The following GPC5 variants were observed in gnomAD, a reference collection of about 807,000 sequenced individuals.
GPC5 encodes the protein glypican-5.
A neutral mutation model predicts 53.9 loss-of-function variants in GPC5; 47 were observed. That is an observed-to-expected ratio of 0.87 (90% CI 0.69 to 1.11). The LOEUF is 1.11. GPC5 is among the 50% of genes most tolerant of loss of function. GPC5 has a pLI of 0.00. For missense variants in GPC5, 748 were observed against 713.1 expected, an observed-to-expected ratio of 1.05 and a Z score of -0.56; for synonymous variants, 286 against 263.3, an observed-to-expected ratio of 1.09 and a Z score of -0.84.
chr13:91,874,830 T>G (rs1442264979), intron 5 of GPC5, among the ~76,000 whole-genome samples: 2 of 152,198 alleles, frequency 1.3e-5, no homozygotes, highest in African/African-American at 2.4e-5. Flanking sequence ...TTCAAGTTTC[T>G]TTTCTGCTTG....
chr13:91,839,035 A>G (rs2038754644), intron 5 of GPC5, among the ~76,000 whole-genome samples: 1 of 151,914 alleles, frequency 6.6e-6, no homozygotes, highest in South Asian at 2.1e-4. Context: ...CACACATTAA[A>G]CTCTATTTTC....
chr13:92,209,379 G>A (rs1188633660), intron 7 of GPC5, among the ~76,000 whole-genome samples: 1 of 152,148 alleles, frequency 6.6e-6, no homozygotes, highest in Non-Finnish European at 1.5e-5. Flanking sequence ...AGAAAGAAAA[G>A]GGTGGTTATT....
At chr13:91,638,198 C>G (rs1479618020) in intron 2 of GPC5, among the ~76,000 whole-genome samples, 5 of 152,114 alleles carry the variant, frequency 3.3e-5, no homozygotes, top group African/African-American at 9.7e-5. Context: ...CCTTCTGGCT[C>G]CTGGTATTTC....
chr13:92,551,438 G>C (rs1261979682), intron 7 of GPC5, among the ~76,000 whole-genome samples: 1 of 151,790 alleles, frequency 6.6e-6, no homozygotes, highest in African/African-American at 2.4e-5. Flanking sequence ...AGTGAAGTTT[G>C]AGATGGTTAG....
At chr13:92,056,308 A>C (rs1325334734) in intron 6 of GPC5, among the ~76,000 whole-genome samples, 2 of 151,902 alleles carry the variant, frequency 1.3e-5, no homozygotes, top group Non-Finnish European at 2.9e-5. Flanking sequence ...TTTTTCTTTC[A>C]TTTATTAAGA....
At chr13:92,071,817 G>A (rs1049124998) in intron 6 of GPC5, among the ~76,000 whole-genome samples, 3 of 145,600 alleles carry the variant, frequency 2.1e-5, no homozygotes, top group Non-Finnish European at 3.0e-5. Flanking sequence ...AATCTCTAAC[G>A]GAAATAATAT....
At chr13:92,610,786 A>C (rs974671514) in intron 7 of GPC5, among the ~76,000 whole-genome samples, 5 of 152,040 alleles carry the variant, frequency 3.3e-5, no homozygotes, top group African/African-American at 1.2e-4. Context: ...TGCCAAGTGA[A>C]GGAGGAAGAG....
intron 4 of GPC5, among the ~76,000 whole-genome samples, chr13:91,750,302 C>T (rs1447733199): frequency 6.6e-6 from 1 of 152,098 alleles, no homozygotes; most frequent in Non-Finnish European, 1.5e-5. Context: ...AACTGTTACT[C>T]TTAATAATTA....
intron 6 of GPC5, among the ~76,000 whole-genome samples, chr13:91,976,762 G>A (rs1474849314): frequency 7.9e-5 from 12 of 152,110 alleles, no homozygotes; most frequent in South Asian, 2.1e-4. Flanking sequence ...AACAGAGGCC[G>A]AGCGCGGTGG....
At position 92,655,297 on chromosome 13, in the gene GPC5, TTTTATTTA is replaced by T. The variant is rs374530742; in HGVS notation, c.1562-210957_1562-210950del. 7.3e-4 allele frequency among the ~76,000 whole-genome samples: 107 copies of T among 146,142 alleles called. 1 individual carries two copies. Among genetic ancestry groups the T allele is most frequent in the Middle Eastern group, 3.5e-3 (1 of 282 alleles). On this transcript the variant is annotated intron_variant, in intron 7 of 7. Coordinates refer to ENST00000377067, the MANE Select transcript of GPC5 (RefSeq NM_004466.6). ...ATTCTGGAAATGAAGAGTTGATTGC[TTTTATTTA>T]TTTATTTATTTATTTATTTATTTAT...
chr13:92,235,362 T>G (rs2042562195), intron 7 of GPC5, among the ~76,000 whole-genome samples: 1 of 152,152 alleles, frequency 6.6e-6, no homozygotes, highest in Non-Finnish European at 1.5e-5. Context: ...GAACTATTTT[T>G]GTCACCCGTA....
At chr13:91,415,755 T>C (rs1344165331) in intron 1 of GPC5, among the ~76,000 whole-genome samples, 2 of 19,658 alleles carry the variant, frequency 1.0e-4, no homozygotes, top group African/African-American at 1.7e-4. Context: ...GTGGGGGGGG[T>C]GGGGGCTTGT....
chr13:92,442,887 C>T (rs901010357), intron 7 of GPC5, among the ~76,000 whole-genome samples: 1 of 152,040 alleles, frequency 6.6e-6, no homozygotes, highest in Non-Finnish European at 1.5e-5. Flanking sequence ...AGCTCTATAC[C>T]CAGTAGCCAC....
intron 7 of GPC5, among the ~76,000 whole-genome samples, chr13:92,279,938 T>G (rs1322678066): frequency 6.6e-6 from 1 of 152,142 alleles, no homozygotes; most frequent in African/African-American, 2.4e-5. Flanking sequence ...GAGAAGTATT[T>G]CCTCTATTTT....
chr13:92,245,783 G>C (rs566305310), intron 7 of GPC5, among the ~76,000 whole-genome samples: 1 of 151,864 alleles, frequency 6.6e-6, no homozygotes, highest in Non-Finnish European at 1.5e-5. Flanking sequence ...AAATCTAATG[G>C]ATCCCAGACT....
At chr13:91,920,949 T>C (rs1594664585) in intron 6 of GPC5, among the ~76,000 whole-genome samples, 1 of 140,030 alleles carries the variant, frequency 7.1e-6, no homozygotes, top group African/African-American at 2.8e-5. Flanking sequence ...TTTTTTTTTT[T>C]TTTTTTGAGA....
intron 7 of GPC5, among the ~76,000 whole-genome samples, chr13:92,775,570 C>G (rs1478667750): frequency 6.6e-6 from 1 of 152,084 alleles, no homozygotes; most frequent in Non-Finnish European, 1.5e-5. Flanking sequence ...CCAGGTAAAT[C>G]CCTGATTATC....
intron 6 of GPC5, among the ~76,000 whole-genome samples, chr13:92,007,090 T>A (rs2040614222): frequency 6.6e-6 from 1 of 152,136 alleles, no homozygotes; most frequent in African/African-American, 2.4e-5. Flanking sequence ...TTTTAAACCA[T>A]AAAAGTTCAG....
chr13:92,553,551 T>C (rs1334064464), intron 7 of GPC5, among the ~76,000 whole-genome samples: 1 of 151,910 alleles, frequency 6.6e-6, no homozygotes, highest in East Asian at 1.9e-4. Context: ...CCTCAAGCCA[T>C]ACTCAACCCC....
Sources: allele counts gnomAD v4.1 joint callset (sites outside exome capture counted in the v4.1 genomes callset), GRCh38; gene constraint gnomAD v4.1.1; transcripts MANE v1.5; gene names NCBI Gene and HGNC (gene_info 2026-07-23, HGNC 2026-07-21).